DNAJC10: variants seen among roughly 807,000 people sequenced by gnomAD.
DNAJC10 encodes DnaJ heat shock protein family (Hsp40) member C10.
Under a neutral mutation model 115.0 loss-of-function variants are expected in DNAJC10, and 101 were observed. That is an observed-to-expected ratio of 0.88 (90% CI 0.75 to 1.04). The LOEUF (loss-of-function observed/expected upper bound fraction) is 1.04, where lower values mean the gene tolerates loss of function less well. Ranked by LOEUF, DNAJC10 falls within the 50% of genes least tolerant of loss-of-function variation. The pLI is 0.00. For missense variants in DNAJC10, 981 were observed against 928.8 expected, an observed-to-expected ratio of 1.06 and a Z score of -0.73; for synonymous variants, 307 against 301.5, an observed-to-expected ratio of 1.02 and a Z score of -0.19.
rs1694973828 is a variant in DNAJC10 at position 182,787,705 on chromosome 2, A to C, written c.*10573A>C. ...AAGGCCCAGGCAGAAGGATTCCTGC[A>C]GACCAGGATTTCAAGACCAGCCTGG... On this transcript the variant is annotated 3_prime_UTR_variant, in exon 24 of 24. Coordinates refer to ENST00000264065, the MANE Select transcript of DNAJC10 (RefSeq NM_018981.4). 1 of 152,294 alleles carries C rather than the reference A, an allele frequency of 6.6e-6. No homozygotes were observed. Among genetic ancestry groups the C allele is most frequent in the African/African-American group, 2.4e-5 (1 of 41,448 alleles). The allele number at this position is 152,294 out of a possible 1,614,324, so 9.4% of individuals were successfully genotyped here.
rs72898749 is a variant in DNAJC10, at chr2:182,768,564, A to T, written c.2265+5763A>T. Among the ~76,000 whole-genome samples the T allele has an allele frequency of 1.0e-2, 1,522 of 152,280 alleles. 12 individuals carry two copies. Among genetic ancestry groups the T allele is most frequent in the Non-Finnish European group, 0.016 (1,116 of 68,004 alleles). ...AGAAACACAAACCAGGTGGGCAGTT[A>T]CACACAAAACAAAATTCTAGCACAT... On this transcript the variant is annotated intron_variant, in intron 22 of 23. Coordinates refer to ENST00000264065, the MANE Select transcript of DNAJC10 (RefSeq NM_018981.4).
rs1695037451 is a variant in DNAJC10, at chr2:182,790,866, A to G, written c.*13734A>G. ...AATCAAATAACCTTACTTATCAGTTACATTGCCTACTAAGCTGACTTATTT... is the reference window on the plus strand; with the variant it reads ...AATCAAATAACCTTACTTATCAGTTGCATTGCCTACTAAGCTGACTTATTT... On this transcript the variant is annotated 3_prime_UTR_variant, in exon 24 of 24. Coordinates refer to ENST00000264065, the MANE Select transcript of DNAJC10 (RefSeq NM_018981.4). 2 of 151,762 alleles carry G rather than the reference A, an allele frequency of 1.3e-5. No homozygotes were observed. The highest frequency in any genetic ancestry group is 2.1e-4 in the South Asian group (1 of 4,820). The allele number at this position is 151,762 out of a possible 1,614,324, so 9.4% of individuals were successfully genotyped here.
Position 182,778,055 on chromosome 2 carries a change from A to C in DNAJC10, c.*923A>C, listed in dbSNP as rs939827376. ...AAATTGCTTTCATAGAAATTTTCCC[A>C]CTGATAGTTGATTTTTGAGGCATCT... On this transcript the variant is annotated 3_prime_UTR_variant, in exon 24 of 24. Coordinates refer to ENST00000264065, the MANE Select transcript of DNAJC10 (RefSeq NM_018981.4). The C allele has an allele frequency of 1.3e-5, 2 of 152,204 alleles. No homozygotes were observed. Among genetic ancestry groups the C allele is most frequent in the African/African-American group, 4.8e-5 (2 of 41,466 alleles). 9.4% of individuals were successfully genotyped at this position (152,204 alleles called of 1,614,324 possible). A position where few individuals can be genotyped will look rare whatever the true frequency, so the allele number is the denominator to read the frequency against.
chr2:182,768,752 G>T (rs1694480707), intron 22 of DNAJC10, among the ~76,000 whole-genome samples: 3 of 152,154 alleles, frequency 2.0e-5, no homozygotes, highest in Non-Finnish European at 4.4e-5. Flanking sequence ...CATTACTGTT[G>T]TTGGTCATGG....
At chr2:182,763,258 G>T (rs1034433435) in intron 22 of DNAJC10, among the ~76,000 whole-genome samples, 4 of 152,042 alleles carry the variant, frequency 2.6e-5, no homozygotes, top group African/African-American at 9.7e-5. Context: ...TTCCTTTGTG[G>T]GGAGGAAAGA....
At position 182,787,811 on chromosome 2, in the gene DNAJC10, CTTGGGAGGCTGAG is replaced by C. The variant is rs1483661706; in HGVS notation, c.*10680_*10692del. On this transcript the variant is annotated 3_prime_UTR_variant, in exon 24 of 24. Transcript: ENST00000264065. ...TAGGGTATGCCTGTAGTCCCAGCTACTTGGGAGGCTGAGGTGGGAGGACTGCTTGAGCCCAGGA... is the reference window on the plus strand; with the variant it reads ...TAGGGTATGCCTGTAGTCCCAGCTACGTGGGAGGACTGCTTGAGCCCAGGA... 1 of 152,454 alleles carries C rather than the reference CTTGGGAGGCTGAG, an allele frequency of 6.6e-6. No homozygotes were observed. The highest frequency in any genetic ancestry group is 2.4e-5 in the African/African-American group (1 of 41,396). 9.4% of individuals were successfully genotyped at this position (152,454 alleles called of 1,614,324 possible).
intron 22 of DNAJC10, among the ~76,000 whole-genome samples, chr2:182,767,668 T>G (rs1694448807): frequency 6.6e-6 from 1 of 151,458 alleles, no homozygotes; most frequent in African/African-American, 2.4e-5. Flanking sequence ...GCAGGGCCGG[T>G]GAGGGGGTGG....
At chr2:182,730,102 G>C (rs1391413908) in intron 8 of DNAJC10, among the ~76,000 whole-genome samples, 161 bp downstream of exon 8, 1 of 152,098 alleles carries the variant, frequency 6.6e-6, no homozygotes, top group Non-Finnish European at 1.5e-5. Flanking sequence ...GAACTCTGCT[G>C]AATTTAACAA....
chr2:182,787,342 A>G lies in DNAJC10; in HGVS notation c.*10210A>G, dbSNP rs754292934. On this transcript the variant is annotated 3_prime_UTR_variant, in exon 24 of 24. Transcript: ENST00000264065. ...TAAGGTTCTGGAATTATGGAAGAAAATAGGGTGGGCCTACTGTCTCTTCCC... is the reference window on the plus strand; with the variant it reads ...TAAGGTTCTGGAATTATGGAAGAAAGTAGGGTGGGCCTACTGTCTCTTCCC... The G allele has an allele frequency of 3.9e-5, 6 of 152,194 alleles. No individual in the cohort carries two copies. Among genetic ancestry groups the G allele is most frequent in the Non-Finnish European group, 8.8e-5 (6 of 68,064 alleles). 9.4% of individuals were successfully genotyped at this position (152,194 alleles called of 1,614,324 possible).
At chr2:182,736,533 TC>T (rs1174088753) in intron 11 of DNAJC10, 147 bp downstream of exon 11, 4 of 465,842 alleles carry the variant, frequency 8.6e-6, no homozygotes, top group Non-Finnish European at 1.4e-5. Context: ...ATACTTAATT[TC>T]TGAGATTCTT....
intron 11 of DNAJC10, among the ~76,000 whole-genome samples, chr2:182,739,026 G>A (rs1693659448): frequency 6.6e-6 from 1 of 151,826 alleles, no homozygotes; most frequent in African/African-American, 2.4e-5. Context: ...TGTGTAATAG[G>A]CATTTTAGTA....
chr2:182,761,369 T>C (rs1417890996), intron 21 of DNAJC10, among the ~76,000 whole-genome samples: 1 of 152,172 alleles, frequency 6.6e-6, no homozygotes, highest in Non-Finnish European at 1.5e-5. Flanking sequence ...TTAACATTTC[T>C]ACATTTTTCT....
chr2:182,787,361 T>TCA lies in DNAJC10; in HGVS notation c.*10230_*10231insAC, dbSNP rs1694966438. The TCA allele has an allele frequency of 5.9e-5, 9 of 152,228 alleles. No homozygotes were observed. The highest frequency in any genetic ancestry group is 5.9e-4 in the Admixed American group (9 of 15,272). 9.4% of individuals were successfully genotyped at this position (152,228 alleles called of 1,614,324 possible). On this transcript the variant is annotated 3_prime_UTR_variant, in exon 24 of 24. Coordinates refer to ENST00000264065, the MANE Select transcript of DNAJC10 (RefSeq NM_018981.4). ...AAGAAAATAGGGTGGGCCTACTGTC[T>TCA]CTTCCCACTGTTTACCTGGTGTTTT...
chr2:182,736,845 G>A (rs1315587653), intron 11 of DNAJC10, among the ~76,000 whole-genome samples: 1 of 152,112 alleles, frequency 6.6e-6, no homozygotes. Context: ...TGCCTCCTGG[G>A]TTCAAGTGAT....
At chr2:182,746,752 A>G (rs1212096553) in intron 14 of DNAJC10, among the ~76,000 whole-genome samples, 2 of 152,030 alleles carry the variant, frequency 1.3e-5, no homozygotes, top group East Asian at 1.9e-4. Context: ...CCATTTGTCA[A>G]TTTTGGCTTT....
chr2:182,751,295 A>G (rs1047276874), intron 14 of DNAJC10, among the ~76,000 whole-genome samples: 37 of 151,740 alleles, frequency 2.4e-4, no homozygotes, highest in African/African-American at 8.5e-4. Context: ...CACCATGCCC[A>G]GCTAATTTTT....
intron 16 of DNAJC10, 98 bp downstream of exon 16, chr2:182,752,286 C>T: frequency 1.8e-6 from 1 of 554,580 alleles, no homozygotes; most frequent in Non-Finnish European, 2.9e-6. Context: ...AGAAATAATA[C>T]ATCTTCTATT....
chr2:182,731,444 T>C (rs908256486), intron 9 of DNAJC10, among the ~76,000 whole-genome samples: 1 of 152,078 alleles, frequency 6.6e-6, no homozygotes, highest in Non-Finnish European at 1.5e-5. Flanking sequence ...CCCAAAATAA[T>C]AATTTTTTGG....
intron 20 of DNAJC10, 116 bp downstream of exon 20, chr2:182,759,006 G>C: frequency 1.9e-6 from 2 of 1,071,772 alleles, no homozygotes; most frequent in Non-Finnish European, 2.7e-6. Context: ...AAATTACTTA[G>C]TAAAGTATTA....
Sources: gnomAD v4.1 joint callset for allele counts (sites outside exome capture counted in the v4.1 genomes callset) on GRCh38, gnomAD v4.1.1 for gene constraint, MANE v1.5 for transcripts, NCBI Gene and HGNC (gene_info 2026-07-23, HGNC 2026-07-21) for gene names.